The following RYR2 variants were observed in gnomAD, a reference collection of about 807,000 sequenced individuals.
RYR2 encodes the protein cardiac muscle ryanodine receptor-calcium release channel.
In RYR2, 227 loss-of-function variants were observed where a neutral mutation model predicts 601.1. The observed-to-expected ratio is 0.38, with a 90% CI of 0.34 to 0.42. The LOEUF is 0.42. Ranked by LOEUF, RYR2 falls within the 10% of genes least tolerant of loss-of-function variation. The pLI is 1.00. For synonymous variants in RYR2, 2,223 were observed against 2,175.1 expected, an observed-to-expected ratio of 1.02 and a Z score of -0.61; for missense variants, 4,646 against 6,156.5, an observed-to-expected ratio of 0.75 and a Z score of 8.21.
chr1:237,438,315 G>A lies in RYR2; in HGVS notation c.1006-3004G>A, dbSNP rs189663501. On this transcript the variant is annotated intron_variant, in intron 12 of 104. Coordinates refer to ENST00000366574, the MANE Select transcript of RYR2 (RefSeq NM_001035.3). ...GATTTGTATTGCCTATACTCTTGTTGTTTTTGTTTTTCCAAAAAATATAGC... is the reference window on the plus strand; with the variant it reads ...GATTTGTATTGCCTATACTCTTGTTATTTTTGTTTTTCCAAAAAATATAGC... 1.6e-3 allele frequency among the ~76,000 whole-genome samples: 245 copies of A among 152,046 alleles called. 1 individual carries two copies. The highest frequency in any genetic ancestry group is 2.9e-3 in the Non-Finnish European group (194 of 67,954).
At chr1:237,747,010 A>G (rs2149230477) in intron 80 of RYR2, among the ~76,000 whole-genome samples, 1 of 152,298 alleles carries the variant, frequency 6.6e-6, no homozygotes, top group African/African-American at 2.4e-5. Context: ...CATTCTTTAG[A>G]TGGTTACTTC....
intron 1 of RYR2, among the ~76,000 whole-genome samples, chr1:237,114,578 C>T (rs1669851979): frequency 6.6e-6 from 1 of 152,184 alleles, no homozygotes. Context: ...TTCCATTTAC[C>T]TCACTCCAGG....
At chr1:237,249,738 A>G (rs1406335380) in intron 1 of RYR2, among the ~76,000 whole-genome samples, 3 of 152,010 alleles carry the variant, frequency 2.0e-5, no homozygotes, top group Admixed American at 6.6e-5. Context: ...TGCTTCCTTT[A>G]TTTTTGTGCT....
chr1:237,050,674 G>T (rs1177625196), intron 1 of RYR2, among the ~76,000 whole-genome samples: 1 of 152,090 alleles, frequency 6.6e-6, no homozygotes, highest in African/African-American at 2.4e-5. Flanking sequence ...CATATTTAAT[G>T]CATAACCAAA....
At chr1:237,697,483 G>T (rs983000200) in intron 63 of RYR2, among the ~76,000 whole-genome samples, 22 of 139,430 alleles carry the variant, frequency 1.6e-4, no homozygotes, top group African/African-American at 5.0e-4. Context: ...TATATTTATA[G>T]AAATATATAT....
intron 17 of RYR2, among the ~76,000 whole-genome samples, chr1:237,488,151 G>A (rs1558903958): frequency 6.6e-6 from 1 of 152,066 alleles, no homozygotes; most frequent in African/African-American, 2.4e-5. Flanking sequence ...AAATTTATTG[G>A]TCTTCGTCTT....
intron 22 of RYR2, among the ~76,000 whole-genome samples, chr1:237,504,145 T>C (rs1394812672): frequency 1.3e-5 from 2 of 152,246 alleles, no homozygotes; most frequent in Admixed American, 1.3e-4. Flanking sequence ...TATTACTTAG[T>C]TTATAAAGTG....
At position 237,635,004 on chromosome 1, in the gene RYR2, T is replaced by C; in HGVS notation, c.6792+12T>C. 1 of 1,517,046 alleles carries C rather than the reference T, an allele frequency of 6.6e-7. No individual in the cohort carries two copies. The highest frequency in any genetic ancestry group is 8.9e-7 in the Non-Finnish European group (1 of 1,118,580). The allele number at this position is 1,517,046 out of a possible 1,614,324, so 94.0% of individuals were successfully genotyped here. On this transcript the variant is annotated intron_variant, in intron 44 of 104. Transcript: ENST00000366574. Reference sequence around the variant, plus strand: ...CGGATCTAGAAAAGGTGAGCAATGTTCCTGCCCTGTGTGTTTGTCTGAATT... The same window carrying C: ...CGGATCTAGAAAAGGTGAGCAATGTCCCTGCCCTGTGTGTTTGTCTGAATT...
At chr1:237,287,002 G>A (rs1177131905) in intron 2 of RYR2, among the ~76,000 whole-genome samples, 2 of 152,148 alleles carry the variant, frequency 1.3e-5, no homozygotes, top group Non-Finnish European at 2.9e-5. Context: ...AGCAGTTCTT[G>A]TAGTGGTGGC....
At chr1:237,785,796 A>C (rs1695500933) in intron 90 of RYR2, among the ~76,000 whole-genome samples, 173 bp from the exon 91 acceptor site, 1 of 152,202 alleles carries the variant, frequency 6.6e-6, no homozygotes, top group African/African-American at 2.4e-5. Context: ...TGTGCAGAAG[A>C]AGCGGGAGAT....
chr1:237,169,771 CTAAA>C (rs1677150493), intron 1 of RYR2, among the ~76,000 whole-genome samples: 1 of 152,158 alleles, frequency 6.6e-6, no homozygotes, highest in African/African-American at 2.4e-5. Context: ...CTATTTGTAT[CTAAA>C]TAGGTTTCTG....
intron 62 of RYR2, among the ~76,000 whole-genome samples, chr1:237,681,175 A>G (rs149969367): frequency 1.3e-5 from 2 of 152,368 alleles, no homozygotes; most frequent in East Asian, 3.9e-4. Flanking sequence ...ATGAGAATCA[A>G]TTACAGAGCA....
At chr1:237,362,586 A>G (rs1369767912) in intron 4 of RYR2, among the ~76,000 whole-genome samples, 1 of 152,174 alleles carries the variant, frequency 6.6e-6, no homozygotes, top group Non-Finnish European at 1.5e-5. Context: ...TTAAACTAAT[A>G]TACTCATCTT....
At chr1:237,081,483 T>C (rs1471966912) in intron 1 of RYR2, among the ~76,000 whole-genome samples, 1 of 133,168 alleles carries the variant, frequency 7.5e-6, no homozygotes, top group Non-Finnish European at 1.6e-5. Flanking sequence ...TCTTTATATA[T>C]GTATATACAT....
intron 2 of RYR2, among the ~76,000 whole-genome samples, chr1:237,298,036 G>A (rs554795650): frequency 9.0e-4 from 136 of 151,098 alleles, no homozygotes; most frequent in African/African-American, 3.2e-3. Context: ...TGGGATTACA[G>A]GTGTGAGCTA....
At chr1:237,600,609 T>C (rs754823210) in intron 34 of RYR2, among the ~76,000 whole-genome samples, 1 of 150,988 alleles carries the variant, frequency 6.6e-6, no homozygotes, top group Non-Finnish European at 1.5e-5. Context: ...TGGGATTATA[T>C]CAAACTAAAA....
chr1:237,212,330 G>A (rs1193743233), intron 1 of RYR2, among the ~76,000 whole-genome samples: 1 of 152,020 alleles, frequency 6.6e-6, no homozygotes, highest in African/African-American at 2.4e-5. Flanking sequence ...ACGGCTTCAT[G>A]GTGTTCTGTA....
chr1:237,257,892 A>T (rs1353085029), intron 1 of RYR2, among the ~76,000 whole-genome samples: 1 of 152,166 alleles, frequency 6.6e-6, no homozygotes, highest in Non-Finnish European at 1.5e-5. Context: ...GGCCAGGCAC[A>T]GTAGCTCACG....
intron 1 of RYR2, among the ~76,000 whole-genome samples, chr1:237,187,596 A>G (rs1051905696): frequency 3.3e-5 from 5 of 151,666 alleles, no homozygotes; most frequent in Non-Finnish European, 5.9e-5. Flanking sequence ...GGCATGCACC[A>G]TCACACCCAG....
Sources: gnomAD v4.1 joint callset for allele counts (sites outside exome capture counted in the v4.1 genomes callset) on GRCh38, gnomAD v4.1.1 for gene constraint, MANE v1.5 for transcripts, NCBI Gene and HGNC (gene_info 2026-07-23, HGNC 2026-07-21) for gene names.